Variants in ZNF804B observed in about 807,000 individuals in gnomAD.
The protein encoded by ZNF804B is zinc finger protein 804B.
In ZNF804B, 80 loss-of-function variants were observed where a neutral mutation model predicts 101.4. That is an observed-to-expected ratio of 0.79 (90% CI 0.66 to 0.95). The LOEUF (loss-of-function observed/expected upper bound fraction) is 0.95. Ranked by LOEUF, ZNF804B falls within the 40% of genes least tolerant of loss-of-function variation. The pLI, the probability that ZNF804B is intolerant of heterozygous loss-of-function variation, is 0.00. For synonymous variants in ZNF804B, 622 were observed against 558.8 expected, an observed-to-expected ratio of 1.11 and a Z score of -1.59; for missense variants, 1,673 against 1,561.9, an observed-to-expected ratio of 1.07 and a Z score of -1.20.
chr7:89,314,942 C>T (rs982630996), intron 2 of ZNF804B, among the ~76,000 whole-genome samples: 3 of 152,168 alleles, frequency 2.0e-5, no homozygotes, highest in South Asian at 4.1e-4. Flanking sequence ...TACTGGTGAA[C>T]AGGTGTGTAT....
chr7:89,271,952 A>G (rs1361116161), intron 2 of ZNF804B, among the ~76,000 whole-genome samples: 1 of 151,934 alleles, frequency 6.6e-6, no homozygotes, highest in Non-Finnish European at 1.5e-5. Flanking sequence ...TTCTACATGA[A>G]AAAATTTGTC....
intron 1 of ZNF804B, among the ~76,000 whole-genome samples, chr7:88,861,838 G>C (rs1791651530): frequency 6.6e-6 from 1 of 152,170 alleles, no homozygotes; most frequent in Non-Finnish European, 1.5e-5. Flanking sequence ...GAGTGTTCCA[G>C]CAGCTATCAT....
chr7:88,798,114 C>A (rs1790519989), intron 1 of ZNF804B, among the ~76,000 whole-genome samples: 2 of 152,016 alleles, frequency 1.3e-5, no homozygotes, highest in African/African-American at 4.8e-5. Flanking sequence ...CTTCCCCCTT[C>A]TTCTAAATCA....
intron 1 of ZNF804B, among the ~76,000 whole-genome samples, chr7:89,117,134 A>G (rs1468208): frequency 0.76 from 115,873 of 152,118 alleles, 44,945 homozygotes; most frequent in African/African-American, 0.92. Context: ...GAAGAGGCAA[A>G]GGACACATTC....
At chr7:89,155,996 T>TTCCTTTCC (rs1790955763) in intron 1 of ZNF804B, among the ~76,000 whole-genome samples, 1 of 128,374 alleles carries the variant, frequency 7.8e-6, no homozygotes, top group Non-Finnish European at 1.7e-5. Context: ...CCTTTCCTTC[T>TTCCTTTCC]TTCTTTCTTT....
chr7:89,204,860 C>T (rs2115660210), intron 1 of ZNF804B, among the ~76,000 whole-genome samples: 1 of 152,182 alleles, frequency 6.6e-6, no homozygotes, highest in South Asian at 2.1e-4. Flanking sequence ...TCTGCCCAAC[C>T]CTAAATAGTT....
chr7:89,000,847 T>C (rs1393340753), intron 1 of ZNF804B, among the ~76,000 whole-genome samples: 1 of 150,112 alleles, frequency 6.7e-6, no homozygotes, highest in Non-Finnish European at 1.5e-5. Flanking sequence ...ATGACATTTA[T>C]ATATATAGAG....
chr7:89,061,151 A>G (rs1333669071), intron 1 of ZNF804B, among the ~76,000 whole-genome samples: 1 of 152,154 alleles, frequency 6.6e-6, no homozygotes, highest in African/African-American at 2.4e-5. Flanking sequence ...TTATGCTTGC[A>G]AAATATGTAT....
intron 1 of ZNF804B, among the ~76,000 whole-genome samples, chr7:88,826,089 G>A (rs1364723155): frequency 2.0e-5 from 3 of 152,146 alleles, no homozygotes; most frequent in Non-Finnish European, 4.4e-5. Context: ...TGCACTTGAA[G>A]TGATAAACGA....
intron 2 of ZNF804B, among the ~76,000 whole-genome samples, chr7:89,238,807 G>A (rs1488154164): frequency 2.0e-5 from 3 of 152,284 alleles, no homozygotes; most frequent in East Asian, 1.9e-4. Context: ...TAGACCCAGT[G>A]GAGTTAGGGC....
At chr7:89,322,261 T>C (rs902146396) in intron 2 of ZNF804B, among the ~76,000 whole-genome samples, 2 of 152,330 alleles carry the variant, frequency 1.3e-5, no homozygotes, top group Middle Eastern at 3.4e-3. Context: ...ATAAATATTT[T>C]CTGCTTTCAA....
At chr7:89,075,668 G>A (rs550832104) in intron 1 of ZNF804B, among the ~76,000 whole-genome samples, 15 of 152,222 alleles carry the variant, frequency 9.9e-5, no homozygotes, top group East Asian at 1.9e-4. Flanking sequence ...CTGGCGCACC[G>A]CCTAGTAGAG....
At chr7:88,794,944 A>G (rs779962904) in intron 1 of ZNF804B, 1 of 1,559,172 alleles carries the variant, frequency 6.4e-7, no homozygotes. Context: ...AAAGGACATG[A>G]GGAGTCTTAT....
rs146850091 is a variant in ZNF804B at position 88,824,837 on chromosome 7, G to A, written c.108+64753G>A. Among the ~76,000 whole-genome samples the A allele has an allele frequency of 6.7e-4, 102 of 152,234 alleles. No individual in the cohort carries two copies. In the East Asian group the frequency reaches 0.017, roughly 26 times the overall value. On this transcript the variant is annotated intron_variant, in intron 1 of 3. Coordinates refer to ENST00000333190, the MANE Select transcript of ZNF804B (RefSeq NM_181646.5). The stretch of plus-strand genomic sequence containing the variant: ...GTGGAGTAGGCAGACAAAATAATAC[G>A]ATCAAAGACTTACAATCAGTAGTAA...
intron 1 of ZNF804B, among the ~76,000 whole-genome samples, chr7:88,936,277 G>C (rs370177870): frequency 6.6e-6 from 1 of 152,032 alleles, no homozygotes; most frequent in Non-Finnish European, 1.5e-5. Flanking sequence ...CTAATTTAAA[G>C]ATATCTTTAT....
At chr7:89,291,426 G>A (rs773828707) in intron 2 of ZNF804B, among the ~76,000 whole-genome samples, 2 of 152,150 alleles carry the variant, frequency 1.3e-5, no homozygotes, top group Non-Finnish European at 2.9e-5. Context: ...ATTTAACAAA[G>A]AGATTGAAAT....
intron 1 of ZNF804B, among the ~76,000 whole-genome samples, chr7:89,208,054 A>G (rs1384089248): frequency 1.4e-5 from 2 of 143,464 alleles, no homozygotes; most frequent in East Asian, 4.0e-4. Flanking sequence ...TCATTGGTTT[A>G]TGTGTGTTAT....
intron 1 of ZNF804B, among the ~76,000 whole-genome samples, chr7:89,078,816 T>A (rs1430382753): frequency 6.6e-6 from 1 of 151,996 alleles, no homozygotes; most frequent in East Asian, 1.9e-4. Flanking sequence ...CTAACCTCCC[T>A]TCTTCTTTCT....
chr7:89,280,751 TG>T (rs1279518366), intron 2 of ZNF804B, among the ~76,000 whole-genome samples: 3 of 152,162 alleles, frequency 2.0e-5, no homozygotes, highest in Admixed American at 6.5e-5. Flanking sequence ...GCTGAAATTG[TG>T]GCAATAATCA....
Sources: allele counts gnomAD v4.1 joint callset (sites outside exome capture counted in the v4.1 genomes callset), GRCh38; gene constraint gnomAD v4.1.1; transcripts MANE v1.5; gene names NCBI Gene and HGNC (gene_info 2026-07-23, HGNC 2026-07-21).